STMP1: variants seen among roughly 807,000 people sequenced by gnomAD.
STMP1 encodes the protein mitolamban.
Under a neutral mutation model 7.0 loss-of-function variants are expected in STMP1, and 7 were observed. The observed-to-expected ratio is 1.01, with a 90% CI of 0.57 to 1.89. The LOEUF is 1.89. Among genes scored for constraint, STMP1 ranks in the 40% most tolerant of loss-of-function variants. The probability of loss-of-function intolerance (pLI) is 0.00; values close to 1 mark genes in which losing one functional copy is unlikely to be tolerated. For missense variants in STMP1, 45 were observed against 53.0 expected (o/e 0.85, Z 0.47); for synonymous variants, 19 against 18.4 (o/e 1.03, Z -0.08).
At position 135,662,546 on chromosome 7, in the gene STMP1, C is replaced by G. The variant is rs767398797; in HGVS notation, c.-34C>G. On this transcript the variant is annotated 5_prime_UTR_variant, in exon 1 of 3. Transcript: ENST00000507606. ...GACCGGCCCGCGGAGCTGCTGCAGT[C>G]CTTCGCGCCCTCCTCGCCCTCCCCA... 2 of 1,545,714 alleles carry G rather than the reference C, an allele frequency of 1.3e-6. No homozygotes were observed. Among genetic ancestry groups the G allele is most frequent in the African/African-American group, 1.4e-5 (1 of 72,346 alleles).
chr7:135,663,284 G>C (rs1795255050), intron 1 of STMP1, among the ~76,000 whole-genome samples: 1 of 152,186 alleles, frequency 6.6e-6, no homozygotes, highest in Non-Finnish European at 1.5e-5. Context: ...ATTTTCAAGT[G>C]AAAGTTTTTC....
intron 1 of STMP1, among the ~76,000 whole-genome samples, chr7:135,665,413 A>AT (rs564072076): frequency 6.6e-6 from 1 of 151,702 alleles, no homozygotes; most frequent in Non-Finnish European, 1.5e-5. Flanking sequence ...TGTTCCTGTG[A>AT]TTTTCCCCTT....
intron 1 of STMP1, among the ~76,000 whole-genome samples, chr7:135,666,060 G>A (rs1336972668): frequency 6.6e-6 from 1 of 151,880 alleles, no homozygotes; most frequent in Non-Finnish European, 1.5e-5. Context: ...AGCCTCCGAA[G>A]TAGCTGGGAT....
At chr7:135,672,084 A>G (rs1295314028) in intron 1 of STMP1, among the ~76,000 whole-genome samples, 2 of 152,118 alleles carry the variant, frequency 1.3e-5, no homozygotes, top group Non-Finnish European at 2.9e-5. Context: ...GTTTCAAGTG[A>G]TTCTCCTGCC....
intron 1 of STMP1, 28 bp from the exon 2 acceptor site, chr7:135,672,725 T>C (rs1368461194): frequency 6.5e-7 from 1 of 1,534,216 alleles, no homozygotes; most frequent in East Asian, 2.5e-5. Context: ...CGGCATGCAC[T>C]ATAACTCTTA....
At chr7:135,668,761 C>A (rs923712440) in intron 1 of STMP1, among the ~76,000 whole-genome samples, 1 of 152,084 alleles carries the variant, frequency 6.6e-6, no homozygotes, top group Non-Finnish European at 1.5e-5. Flanking sequence ...ATACTTAATT[C>A]TCTCCATTCT....
intron 1 of STMP1, among the ~76,000 whole-genome samples, chr7:135,669,152 C>A (rs1287711767): frequency 6.6e-6 from 1 of 152,188 alleles, no homozygotes; most frequent in African/African-American, 2.4e-5. Context: ...AAAGACCTGC[C>A]CTCATGATTC....
chr7:135,674,005 A>G (rs1795383566), intron 2 of STMP1, 86 bp from the exon 3 acceptor site: 2 of 847,308 alleles, frequency 2.4e-6, no homozygotes, highest in Admixed American at 2.7e-5. Context: ...AAAAGCTTGT[A>G]AAACCATTTA....
chr7:135,673,897 C>T (rs1381863144), intron 2 of STMP1, among the ~76,000 whole-genome samples, 194 bp from the exon 3 acceptor site: 1 of 152,182 alleles, frequency 6.6e-6, no homozygotes, highest in African/African-American at 2.4e-5. Context: ...GTGTTTGCAC[C>T]ATTGCCCTCC....
chr7:135,672,646 AACTG>A, intron 1 of STMP1, 103 bp from the exon 2 acceptor site: 1 of 819,466 alleles, frequency 1.2e-6, no homozygotes, highest in Non-Finnish European at 2.0e-6. Context: ...AAGGTCTTCT[AACTG>A]TCCTAAGCTT....
chr7:135,666,852 G>A (rs951073404), intron 1 of STMP1, among the ~76,000 whole-genome samples: 2 of 152,208 alleles, frequency 1.3e-5, no homozygotes, highest in African/African-American at 4.8e-5. Flanking sequence ...CTTTTGTGTG[G>A]ATATGTATTT....
In STMP1 at chr7:135,672,764, A is replaced by T. The variant is rs760120944; in HGVS notation, c.27A>T (p.Thr9=). Reference sequence around the variant, plus strand: ...TTCTATTTTTTCAGCTTGGATTTACACTGGGCAACGTGGTTGGAATGTATC... The same window carrying T: ...TTCTATTTTTTCAGCTTGGATTTACTCTGGGCAACGTGGTTGGAATGTATC... MLQFLLGF[T]LGNVVGMYLA... is the part of the protein sequence containing the mutation. The change falls in exon 2 of 3, where the codon ACA becomes ACT. Residue 9 remains threonine (T), a synonymous_variant. Coordinates refer to ENST00000507606, the MANE Select transcript of STMP1 (RefSeq NM_001130929.2). 2 of 1,551,530 alleles carry T rather than the reference A, an allele frequency of 1.3e-6. No individual in the cohort carries two copies. The highest frequency in any genetic ancestry group is 2.4e-5 in the South Asian group (2 of 84,060).
rs1013527165 is a variant in STMP1, at chr7:135,662,555, C to A, written c.-25C>A. On this transcript the variant is annotated 5_prime_UTR_variant, in exon 1 of 3. Transcript: ENST00000507606. The stretch of plus-strand genomic sequence containing the variant: ...GCGGAGCTGCTGCAGTCCTTCGCGC[C>A]CTCCTCGCCCTCCCCACCGACATCA... 1.3e-6 allele frequency: 2 copies of A among 1,546,430 alleles called. No individual in the cohort carries two copies. The highest frequency in any genetic ancestry group is 1.7e-6 in the Non-Finnish European group (2 of 1,145,014).
chr7:135,664,682 C>T (rs1795274469), intron 1 of STMP1, among the ~76,000 whole-genome samples: 1 of 152,132 alleles, frequency 6.6e-6, no homozygotes, highest in African/African-American at 2.4e-5. Flanking sequence ...ATATTCCTAG[C>T]TCAGAAGTAA....
intron 1 of STMP1, among the ~76,000 whole-genome samples, chr7:135,671,073 A>T (rs1439326443): frequency 6.6e-6 from 1 of 152,086 alleles, no homozygotes; most frequent in African/African-American, 2.4e-5. Flanking sequence ...GATTTGGAAA[A>T]CCATTTCCTA....
chr7:135,669,397 C>T (rs1192016139), intron 1 of STMP1, among the ~76,000 whole-genome samples: 1 of 152,210 alleles, frequency 6.6e-6, no homozygotes, highest in Non-Finnish European at 1.5e-5. Flanking sequence ...CATCTGTTAA[C>T]ATTGAAAATC....
intron 1 of STMP1, 84 bp from the exon 2 acceptor site, chr7:135,672,669 G>A: frequency 1.0e-6 from 1 of 993,382 alleles, no homozygotes; most frequent in Non-Finnish European, 1.6e-6. Context: ...TTCTTAGGAA[G>A]ATATTGTCTA....
intron 1 of STMP1, among the ~76,000 whole-genome samples, chr7:135,664,014 A>G (rs1436299551): frequency 2.0e-5 from 3 of 152,252 alleles, no homozygotes; most frequent in African/African-American, 7.2e-5. Flanking sequence ...GAAAGATGGT[A>G]ATGGATTGTT....
At chr7:135,663,694 C>T (rs1231953658) in intron 1 of STMP1, among the ~76,000 whole-genome samples, 1 of 151,814 alleles carries the variant, frequency 6.6e-6, no homozygotes, top group Admixed American at 6.6e-5. Flanking sequence ...CCCGCTCTGT[C>T]GCCAGGCTGG....
Sources: gnomAD v4.1 joint callset for allele counts (sites outside exome capture counted in the v4.1 genomes callset) on GRCh38, gnomAD v4.1.1 for gene constraint, MANE v1.5 for transcripts, NCBI Gene and HGNC (gene_info 2026-07-23, HGNC 2026-07-21) for gene names.